PSD4: variants seen among roughly 807,000 people sequenced by gnomAD.
PSD4 encodes pleckstrin and Sec7 domain containing 4.
Under a neutral mutation model 112.5 loss-of-function variants are expected in PSD4, and 59 were observed. That is an observed-to-expected ratio of 0.52 (90% CI 0.43 to 0.65). The LOEUF (loss-of-function observed/expected upper bound fraction) is 0.65. Among genes scored for constraint, PSD4 ranks in the 30% least tolerant of loss-of-function variants. PSD4 has a pLI of 0.00. For missense variants in PSD4, 1,267 were observed against 1,352.6 expected, an observed-to-expected ratio of 0.94 and a Z score of 0.99; for synonymous variants, 533 against 540.0, an observed-to-expected ratio of 0.99 and a Z score of 0.18.
rs142535479 is a variant in PSD4 at position 113,187,980 on chromosome 2, T to C, written c.1628+1725T>C. Among the ~76,000 whole-genome samples, 486 of 152,192 alleles carry C rather than the reference T, an allele frequency of 3.2e-3. 2 individuals carry two copies. The highest frequency in any genetic ancestry group is 5.4e-3 in the Non-Finnish European group (364 of 68,014). ...TCTGTGAAAGTGATGTTGAAAGACC[T>C]CACAAGTCACGTGGAAAACCACTGA... On this transcript the variant is annotated intron_variant, in intron 5 of 16. Transcript: ENST00000245796.
Position 113,182,703 on chromosome 2 carries a change from G to A in PSD4, c.247G>A (p.Gly83Arg), listed in dbSNP as rs1562277. 7.4e-3 allele frequency: 11,941 copies of A among 1,607,488 alleles called. 703 individuals are homozygous for A. The African/African-American group carries it at 0.13, about 18-fold the overall frequency. The part of the protein sequence containing the change: ...THLGSWVHQD[G>R]LEPCQEQTRA... ...CCTGGGGAGCTGGGTCCATCAGGAC[G>A]GGCTGGAGCCTTGCCAGGAGCAAAC... is the stretch of plus-strand genomic sequence containing the variant. Residue 83 changes from glycine to arginine, a missense_variant, in exon 2 of 17, where the codon GGG becomes AGG. Gly to Arg is a moderately radical substitution (Grantham distance 125). This residue lies in a region of PSD4 where 723 missense variants were observed against 704.0 expected (regional missense o/e 1.03). Coordinates refer to ENST00000245796, the MANE Select transcript of PSD4 (RefSeq NM_012455.3).
intron 1 of PSD4, among the ~76,000 whole-genome samples, chr2:113,179,640 AG>A (rs1688074044): frequency 6.6e-6 from 1 of 152,202 alleles, no homozygotes; most frequent in African/African-American, 2.4e-5. Flanking sequence ...TAGAATGCCT[AG>A]CTTCCCGGGA....
intron 1 of PSD4, 45 bp from the exon 2 acceptor site, chr2:113,182,301 G>A: frequency 1.4e-6 from 1 of 692,194 alleles, no homozygotes; most frequent in Non-Finnish European, 2.4e-6. Flanking sequence ...GCCTCCAGAG[G>A]CTGACAGCCC....
chr2:113,198,178 G>A (rs972538457), intron 14 of PSD4: 1 of 431,638 alleles, frequency 2.3e-6, no homozygotes, highest in Non-Finnish European at 4.1e-6. Flanking sequence ...AAGCCTCCCA[G>A]TTCAGAACAC....
At position 113,182,758 on chromosome 2, in the gene PSD4, G is replaced by A; in HGVS notation, c.302G>A (p.Arg101Lys). ...GCCACTGACCCTCCTGAATCTACCA[G>A]ACAAGATGCTCCTCCCTGGGGCTCC... ...TRATDPPEST[R>K]QDAPPWGSGV... The change falls in exon 2 of 17, where the codon AGA (arginine) becomes AAA (lysine). Residue 101 changes from arginine (R) to lysine (K), a missense_variant. Physicochemically the swap from Arg to Lys is conservative, Grantham distance 26. Coordinates refer to ENST00000245796, the MANE Select transcript of PSD4 (RefSeq NM_012455.3). 1 of 1,594,690 alleles carries A rather than the reference G, an allele frequency of 6.3e-7. No homozygotes were observed. Among genetic ancestry groups the A allele is most frequent in the Non-Finnish European group, 8.6e-7 (1 of 1,168,724 alleles).
intron 5 of PSD4, among the ~76,000 whole-genome samples, chr2:113,187,834 T>C (rs1244491795): frequency 1.3e-5 from 2 of 152,236 alleles, no homozygotes; most frequent in East Asian, 3.8e-4. Context: ...TCAGGGTCTT[T>C]GCTGGTGACT....
chr2:113,204,957 A>G lies in PSD4; in HGVS notation c.*3542A>G. On this transcript the variant is annotated 3_prime_UTR_variant, in exon 17 of 17. Transcript: ENST00000245796. ...CAGCCAAGGAGAGTGGCTTTTTGTG[A>G]ATGTGCAGTGCAACTTTTTTTTTTT... is the stretch of plus-strand genomic sequence containing the variant. 1 of 151,278 alleles carries G rather than the reference A, an allele frequency of 6.6e-6. No individual in the cohort carries two copies. The highest frequency in any genetic ancestry group is 1.5e-5 in the Non-Finnish European group (1 of 68,100). 9.4% of individuals were successfully genotyped at this position (151,278 alleles called of 1,614,324 possible).
intron 4 of PSD4, 93 bp downstream of exon 4, chr2:113,185,533 C>T: frequency 6.2e-7 from 1 of 1,604,124 alleles, no homozygotes; most frequent in East Asian, 2.3e-5. Flanking sequence ...CCATGGTTGC[C>T]ATTAATGGGT....
intron 14 of PSD4, chr2:113,198,228 A>G (rs566474024): frequency 5.4e-4 from 185 of 339,498 alleles, no homozygotes; most frequent in African/African-American, 3.7e-3. Context: ...CATATCTGGC[A>G]TTTGTTATGA....
chr2:113,187,949 A>T (rs570718854), intron 5 of PSD4, among the ~76,000 whole-genome samples: 1 of 152,346 alleles, frequency 6.6e-6, no homozygotes, highest in Admixed American at 6.5e-5. Context: ...ACATGATTTC[A>T]TAAGGTCTGT....
intron 5 of PSD4, among the ~76,000 whole-genome samples, chr2:113,189,813 T>C (rs2104501397): frequency 6.6e-6 from 1 of 152,360 alleles, no homozygotes; most frequent in Admixed American, 6.5e-5. Context: ...GTATATCTTC[T>C]TTTGAGAATT....
chr2:113,183,694 T>C (rs544693903), intron 2 of PSD4, among the ~76,000 whole-genome samples, 182 bp downstream of exon 2: 3 of 152,314 alleles, frequency 2.0e-5, no homozygotes, highest in South Asian at 2.1e-4. Context: ...TTCAGAATGA[T>C]AGGACATTTT....
Position 113,195,766 on chromosome 2 carries a change from G to C in PSD4, c.2221G>C (p.Ala741Pro), listed in dbSNP as rs774594317. The change falls in exon 11 of 17, where the codon GCC becomes CCC. Residue 741 changes from alanine to proline, a missense_variant. This residue lies in a region of PSD4 where 544 missense variants were observed against 648.6 expected (regional missense o/e 0.84). Transcript: ENST00000245796. ...WSIRSEKLEW[A>P]VDEEDTARPE... ...TATCCGCAGCGAGAAGCTCGAGTGG[G>C]CCGTGTGAGTGAGACTCCCTTTCCC... 2 of 1,614,130 alleles carry C rather than the reference G, an allele frequency of 1.2e-6. No individual in the cohort carries two copies. Among genetic ancestry groups the C allele is most frequent in the Non-Finnish European group, 1.7e-6 (2 of 1,180,036 alleles).
intron 5 of PSD4, 99 bp from the exon 6 acceptor site, chr2:113,192,281 C>T (rs1688463127): frequency 4.2e-6 from 5 of 1,196,162 alleles, no homozygotes; most frequent in African/African-American, 1.5e-5. Context: ...GGTCCAGCTC[C>T]TCCGGGCCCC....
Position 113,201,165 on chromosome 2 carries a change from G to A in PSD4, c.2921G>A (p.Arg974His), listed in dbSNP as rs191252430. Residue 974 changes from arginine (R) to histidine (H), a missense_variant, in exon 17 of 17, where the codon CGC (arginine) becomes CAC (histidine). Transcript: ENST00000245796. Reference sequence around the variant, plus strand: ...GGGGCCTGTGTGTTGCAGAAAACCCGCTACGAGACCTACGTGCAGCTGCTG... The same window carrying A: ...GGGGCCTGTGTGTTGCAGAAAACCCACTACGAGACCTACGTGCAGCTGCTG... Reference protein sequence around the residue: ...RKEYLEYEKTRYETYVQLLVA... With the variant: ...RKEYLEYEKTHYETYVQLLVA... 4 of 1,610,478 alleles carry A rather than the reference G, an allele frequency of 2.5e-6. No homozygotes were observed. The highest frequency in any genetic ancestry group is 2.7e-5 in the African/African-American group (2 of 74,978).
At chr2:113,192,947 AC>A (rs1199570869) in intron 6 of PSD4, 100 bp from the exon 7 acceptor site, 8 of 1,178,608 alleles carry the variant, frequency 6.8e-6, no homozygotes, top group Non-Finnish European at 8.5e-6. Context: ...TCCCTTGCTC[AC>A]CCCCACCGCA....
intron 11 of PSD4, 96 bp from the exon 12 acceptor site, chr2:113,196,051 A>T: frequency 6.8e-7 from 1 of 1,462,614 alleles, no homozygotes; most frequent in Non-Finnish European, 9.3e-7. Flanking sequence ...GTGGCTTCCC[A>T]GGAAAAGAGA....
At chr2:113,197,013 G>A (rs888315001) in intron 12 of PSD4, among the ~76,000 whole-genome samples, 24 of 152,248 alleles carry the variant, frequency 1.6e-4, no homozygotes, top group African/African-American at 4.6e-4. Flanking sequence ...TGAAGCCGCC[G>A]GGGCCCTAGG....
At chr2:113,197,946 C>T (rs776716384) in intron 14 of PSD4, 33 bp downstream of exon 14, 7 of 1,520,152 alleles carry the variant, frequency 4.6e-6, no homozygotes, top group Non-Finnish European at 6.2e-6. Flanking sequence ...TGTGGCAAGG[C>T]CTTGCCCTGC....
Sources: gnomAD v4.1 joint callset for allele counts (sites outside exome capture counted in the v4.1 genomes callset) on GRCh38, gnomAD v4.1.1 for gene constraint, gnomAD v4.1.1 regional missense constraint, MANE v1.5 for transcripts, NCBI Gene and HGNC (gene_info 2026-07-23, HGNC 2026-07-21) for gene names.